Variants in PTPRD observed in about 807,000 individuals in gnomAD.
PTPRD encodes receptor-type tyrosine-protein phosphatase delta.
A neutral mutation model predicts 214.5 loss-of-function variants in PTPRD; 34 were observed. The ratio of observed to expected loss-of-function variants is 0.16; its 90% CI spans 0.12 to 0.21. The LOEUF (loss-of-function observed/expected upper bound fraction) is 0.21. Among genes scored for constraint, PTPRD ranks in the 10% least tolerant of loss-of-function variants. The pLI, the probability that PTPRD is intolerant of heterozygous loss-of-function variation, is 1.00. For synonymous variants in PTPRD, 1,128 were observed against 845.7 expected (o/e 1.33, Z -5.79); for missense variants, 2,545 against 2,398.7 (o/e 1.06, Z -1.27).
In PTPRD at chr9:8,633,756, T is replaced by G. The variant is rs547877953; in HGVS notation, c.211-298A>C. On this transcript the variant is annotated intron_variant, in intron 13 of 45. Transcript: ENST00000381196. ...GTATGTTCATCTAGGGCAATTTGAC[T>G]CTATTAATTTTGCAAGAGGCTTGCA... 9.2e-5 allele frequency among the ~76,000 whole-genome samples: 14 copies of G among 152,228 alleles called. No homozygotes were observed. In the East Asian group the frequency reaches 2.7e-3, roughly 29 times the overall value.
intron 12 of PTPRD, among the ~76,000 whole-genome samples, chr9:8,662,454 C>A (rs1416274386): frequency 6.6e-6 from 1 of 152,178 alleles, no homozygotes; most frequent in Non-Finnish European, 1.5e-5. Context: ...CTGGGTACAA[C>A]AGGGAAGAGA....
chr9:8,696,645 A>G (rs1420738802), intron 12 of PTPRD, among the ~76,000 whole-genome samples: 1 of 152,208 alleles, frequency 6.6e-6, no homozygotes, highest in Non-Finnish European at 1.5e-5. Context: ...AAGACAATGG[A>G]TGAAAATGTC....
At chr9:9,433,040 A>G (rs547348661) in intron 8 of PTPRD, among the ~76,000 whole-genome samples, 2 of 152,192 alleles carry the variant, frequency 1.3e-5, no homozygotes, top group Non-Finnish European at 2.9e-5. Context: ...AAGCGTGTGT[A>G]TAAGAGTGTG....
intron 11 of PTPRD, among the ~76,000 whole-genome samples, chr9:8,996,754 G>T (rs897876134): frequency 6.6e-6 from 1 of 151,916 alleles, no homozygotes; most frequent in Non-Finnish European, 1.5e-5. Context: ...AGCCAAACAG[G>T]CTGAGCCTCA....
intron 5 of PTPRD, among the ~76,000 whole-genome samples, chr9:9,911,261 G>C (rs752346469): frequency 6.6e-6 from 1 of 151,946 alleles, no homozygotes; most frequent in Admixed American, 6.6e-5. Flanking sequence ...TATTGCTCTC[G>C]TCCCATACTG....
chr9:10,564,860 A>G (rs1436065636), intron 2 of PTPRD, among the ~76,000 whole-genome samples: 1 of 152,168 alleles, frequency 6.6e-6, no homozygotes, highest in Non-Finnish European at 1.5e-5. Context: ...ATTTTTGGAT[A>G]TAGTCCTGAG....
intron 3 of PTPRD, among the ~76,000 whole-genome samples, chr9:10,070,353 C>G (rs903999754): frequency 5.3e-5 from 8 of 151,978 alleles, no homozygotes; most frequent in Admixed American, 5.3e-4. Flanking sequence ...AAGTTTTTCT[C>G]TAACCTTTGT....
intron 5 of PTPRD, among the ~76,000 whole-genome samples, chr9:9,934,650 A>G (rs1177852974): frequency 6.6e-6 from 1 of 151,090 alleles, no homozygotes; most frequent in African/African-American, 2.5e-5. Flanking sequence ...CAGAGGTACA[A>G]GGAGGAACTG....
At chr9:10,186,871 CA>C (rs1488656385) in intron 3 of PTPRD, among the ~76,000 whole-genome samples, 1 of 152,046 alleles carries the variant, frequency 6.6e-6, no homozygotes, top group East Asian at 1.9e-4. Flanking sequence ...AATAACTCCA[CA>C]ATTAGGAAAC....
intron 6 of PTPRD, among the ~76,000 whole-genome samples, chr9:9,764,778 T>C (rs1364487908): frequency 6.6e-6 from 1 of 152,112 alleles, no homozygotes. Context: ...GACTCATACT[T>C]CAAACCCAGG....
At chr9:10,323,479 T>C (rs1225378396) in intron 3 of PTPRD, among the ~76,000 whole-genome samples, 1 of 151,202 alleles carries the variant, frequency 6.6e-6, no homozygotes, top group Non-Finnish European at 1.5e-5. Context: ...TATTTATTTA[T>C]GTATTTATTA....
At position 8,534,634 on chromosome 9, in the gene PTPRD, T is replaced by C. The variant is rs1440802122; in HGVS notation, c.353-5855A>G. 4.0e-5 allele frequency among the ~76,000 whole-genome samples: 6 copies of C among 151,490 alleles called. 1 individual carries two copies. The East Asian group carries it at 1.2e-3, about 29-fold the overall frequency. The stretch of plus-strand genomic sequence containing the variant: ...TAAAATGACATTCCTAGAGTATATA[T>C]ATATACACACACACACACACACTAG... On this transcript the variant is annotated intron_variant, in intron 14 of 45. Transcript: ENST00000381196.
At chr9:8,642,365 T>G (rs2096594946) in intron 12 of PTPRD, among the ~76,000 whole-genome samples, 2 of 152,204 alleles carry the variant, frequency 1.3e-5, no homozygotes. Flanking sequence ...AATACAGAGT[T>G]TTGTTTTTAA....
At chr9:9,392,134 T>C (rs1321984633) in intron 9 of PTPRD, among the ~76,000 whole-genome samples, 1 of 152,176 alleles carries the variant, frequency 6.6e-6, no homozygotes, top group Non-Finnish European at 1.5e-5. Flanking sequence ...GTTATTTCAT[T>C]ATGGTCTTGC....
intron 11 of PTPRD, among the ~76,000 whole-genome samples, chr9:8,992,110 C>T (rs144523754): frequency 6.6e-6 from 1 of 152,104 alleles, no homozygotes. Flanking sequence ...CAAACAAGGA[C>T]TCTGATGTCT....
chr9:9,278,528 T>C (rs1168743822), intron 9 of PTPRD, among the ~76,000 whole-genome samples: 1 of 151,344 alleles, frequency 6.6e-6, no homozygotes, highest in African/African-American at 2.4e-5. Flanking sequence ...GATATGTATA[T>C]TTTAACGTCA....
At chr9:10,016,585 AG>A (rs2096720780) in intron 4 of PTPRD, among the ~76,000 whole-genome samples, 1 of 152,046 alleles carries the variant, frequency 6.6e-6, no homozygotes, top group Non-Finnish European at 1.5e-5. Flanking sequence ...TTTAAAGTGG[AG>A]AAATGTGGAG....
At chr9:9,081,869 T>C (rs1182992691) in intron 10 of PTPRD, among the ~76,000 whole-genome samples, 1 of 151,600 alleles carries the variant, frequency 6.6e-6, no homozygotes, top group African/African-American at 2.4e-5. Context: ...TATTCCTCCA[T>C]GCCTTTATTT....
intron 3 of PTPRD, among the ~76,000 whole-genome samples, chr9:10,327,374 G>A (rs1474631134): frequency 6.6e-6 from 1 of 151,406 alleles, no homozygotes; most frequent in Non-Finnish European, 1.5e-5. Context: ...AAGTATTTGA[G>A]ATAAATTGAT....
Sources: gnomAD v4.1 joint callset for allele counts (sites outside exome capture counted in the v4.1 genomes callset) on GRCh38, gnomAD v4.1.1 for gene constraint, MANE v1.5 for transcripts, NCBI Gene and HGNC (gene_info 2026-07-23, HGNC 2026-07-21) for gene names.